Variants in NEK10 observed in about 807,000 individuals in gnomAD.
NEK10 encodes serine/threonine-protein kinase Nek10.
A neutral mutation model predicts 159.8 loss-of-function variants in NEK10; 122 were observed. That is an observed-to-expected ratio of 0.76 (90% CI 0.66 to 0.89). NEK10 has a LOEUF of 0.89. NEK10 is among the 40% of genes least tolerant of loss of function. NEK10 has a pLI of 0.00. For synonymous variants in NEK10, 466 were observed against 457.1 expected (o/e 1.02, Z -0.25); for missense variants, 1,342 against 1,323.1 (o/e 1.01, Z -0.22).
intron 22 of NEK10, among the ~76,000 whole-genome samples, chr3:27,266,862 G>C (rs2040937551): frequency 6.6e-6 from 1 of 152,176 alleles, no homozygotes; most frequent in Admixed American, 6.5e-5. Context: ...CAGTGTGCAG[G>C]ATGCTTAGTG....
chr3:27,247,388 AGTT>A, intron 23 of NEK10, among the ~76,000 whole-genome samples: 1 of 152,222 alleles, frequency 6.6e-6, no homozygotes, highest in East Asian at 1.9e-4. Context: ...ATGATCATAT[AGTT>A]GTTGTCCTCC....
rs907577458 is a variant in NEK10 at position 27,157,211 on chromosome 3, A to G, written c.2869+5490T>C. 7.9e-5 allele frequency among the ~76,000 whole-genome samples: 12 copies of G among 151,764 alleles called. No individual in the cohort carries two copies. The East Asian group carries it at 2.3e-3, about 30-fold the overall frequency. On this transcript the variant is annotated intron_variant, in intron 30 of 35. Transcript: ENST00000691995. ...GTGGGAAAGGGGTGAGGAATAGAAG[A>G]CTACAAATATGGTGCAGTGTATACT... is the stretch of plus-strand genomic sequence containing the variant.
intron 23 of NEK10, among the ~76,000 whole-genome samples, chr3:27,245,244 G>C (rs950972144): frequency 6.6e-6 from 1 of 152,192 alleles, no homozygotes; most frequent in Middle Eastern, 3.4e-3. Context: ...CCATTTGGGG[G>C]ATTCTTCTTC....
chr3:27,283,279 T>A (rs1373154692), intron 22 of NEK10, among the ~76,000 whole-genome samples: 1 of 152,204 alleles, frequency 6.6e-6, no homozygotes, highest in South Asian at 2.1e-4. Flanking sequence ...ATCAATAACA[T>A]TGATGGCAGT....
chr3:27,301,723 G>C lies in NEK10; in HGVS notation c.1141C>G (p.Gln381Glu), dbSNP rs1416915672. Reference protein sequence around the residue: ...LSEDLSPREIQENTFSLQAAC... With the variant: ...LSEDLSPREIEENTFSLQAAC... Reference sequence around the variant, plus strand: ...GCTTGAAGTGAGAAAGTATTTTCTTGTATTTCCCTAGGGCTCAAGTCTTCT... The same window carrying C: ...GCTTGAAGTGAGAAAGTATTTTCTTCTATTTCCCTAGGGCTCAAGTCTTCT... The change falls in exon 13 of 36, where the codon CAA becomes GAA. Residue 381 changes from glutamine (Q) to glutamate (E), a missense_variant. Gln to Glu is a conservative substitution (Grantham distance 29, BLOSUM62 2). Transcript: ENST00000691995. 2 of 1,575,154 alleles carry C rather than the reference G, an allele frequency of 1.3e-6. No homozygotes were observed. The highest frequency in any genetic ancestry group is 8.7e-7 in the Non-Finnish European group (1 of 1,156,024).
intron 4 of NEK10, among the ~76,000 whole-genome samples, chr3:27,344,921 TTG>T (rs764720872): frequency 2.6e-5 from 4 of 152,194 alleles, no homozygotes; most frequent in African/African-American, 7.2e-5. Flanking sequence ...TTATATGGTT[TTG>T]TGTGTGTGTT....
intron 22 of NEK10, among the ~76,000 whole-genome samples, chr3:27,272,008 C>T (rs13315353): frequency 0.047 from 7,087 of 152,186 alleles, 297 homozygotes; most frequent in African/African-American, 0.11. Flanking sequence ...TAGATTCTTG[C>T]TCTCTGGTTT....
Position 27,141,551 on chromosome 3 carries a change from T to C in NEK10, c.2901A>G (p.Lys967=). Residue 967 remains lysine, a synonymous_variant, in exon 31 of 36, where the codon AAA becomes AAG. Coordinates refer to ENST00000691995, the MANE Select transcript of NEK10 (RefSeq NM_001394966.1). The part of the protein sequence containing the change: ...ASAGIAVSQR[K]VRQISDPIQQ... ...GAATAGGATCACTGATCTGACGCAC[T>C]TTCCTCTGGGACACAGCAATTCCTG... The C allele has an allele frequency of 1.2e-6, 2 of 1,613,418 alleles. No homozygotes were observed. The highest frequency in any genetic ancestry group is 2.2e-5 in the South Asian group (2 of 90,956).
At chr3:27,279,367 C>T (rs1209824517) in intron 22 of NEK10, among the ~76,000 whole-genome samples, 1 of 152,150 alleles carries the variant, frequency 6.6e-6, no homozygotes, top group Non-Finnish European at 1.5e-5. Context: ...CAAGGCTGCC[C>T]CTCTGTGGTG....
chr3:27,254,137 G>C (rs779463436), intron 23 of NEK10, among the ~76,000 whole-genome samples: 3 of 152,096 alleles, frequency 2.0e-5, no homozygotes, highest in Non-Finnish European at 4.4e-5. Context: ...ACCGCATGTA[G>C]CCCAACATAA....
rs1256957379 is a variant in NEK10 at position 27,107,419 on chromosome 3, C to T, written c.*3853G>A. 6.6e-6 allele frequency among the ~76,000 whole-genome samples: 1 copy of T among 152,080 alleles called. No individual in the cohort carries two copies. The highest frequency in any genetic ancestry group is 1.5e-5 in the Non-Finnish European group (1 of 68,004). ...TGTTTCCCTGAGAAATTTGTGTCTT[C>T]CTATCAATATGAAAAACAGCGTTCA... is the stretch of plus-strand genomic sequence containing the variant. On this transcript the variant is annotated 3_prime_UTR_variant, in exon 36 of 36. Transcript: ENST00000691995.
intron 26 of NEK10, among the ~76,000 whole-genome samples, chr3:27,187,690 G>A (rs1013799464): frequency 3.3e-5 from 5 of 151,806 alleles, no homozygotes; most frequent in African/African-American, 1.2e-4. Context: ...CCCATAGTGA[G>A]GCAGAGCTTG....
At chr3:27,218,285 CTG>C (rs1951732982) in intron 23 of NEK10, among the ~76,000 whole-genome samples, 1 of 152,140 alleles carries the variant, frequency 6.6e-6, no homozygotes, top group African/African-American at 2.4e-5. Context: ...TTGACTGAAA[CTG>C]TGGAAAGTGA....
At chr3:27,258,713 T>C (rs1481371072) in intron 22 of NEK10, among the ~76,000 whole-genome samples, 1 of 152,230 alleles carries the variant, frequency 6.6e-6, no homozygotes, top group Admixed American at 6.5e-5. Context: ...GCATGATTTA[T>C]AATTCTTTGG....
intron 5 of NEK10, among the ~76,000 whole-genome samples, chr3:27,330,091 C>A (rs992471096): frequency 8.6e-5 from 13 of 151,942 alleles, no homozygotes; most frequent in African/African-American, 3.1e-4. Context: ...ATTTTTTAAT[C>A]TGCAGTTGGT....
intron 23 of NEK10, among the ~76,000 whole-genome samples, chr3:27,236,814 T>C (rs1953968222): frequency 6.6e-6 from 1 of 152,170 alleles, no homozygotes; most frequent in African/African-American, 2.4e-5. Flanking sequence ...TGTTCAGCTG[T>C]GCACATATTG....
chr3:27,212,343 G>T lies in NEK10; in HGVS notation c.2091-9786C>A, dbSNP rs1476182001. Among the ~76,000 whole-genome samples, 4 of 146,324 alleles carry T rather than the reference G, an allele frequency of 2.7e-5. No homozygotes were observed. The East Asian group carries it at 7.8e-4, about 28-fold the overall frequency. The stretch of plus-strand genomic sequence containing the variant: ...CTTAACCTGAATCATCACCATATTT[G>T]CTCAAAAAATGCTGCACAAACTAGA... On this transcript the variant is annotated intron_variant, in intron 23 of 35. Transcript: ENST00000691995.
chr3:27,305,864 G>C (rs1039627046), intron 11 of NEK10, among the ~76,000 whole-genome samples: 37 of 152,164 alleles, frequency 2.4e-4, no homozygotes, highest in African/African-American at 7.0e-4. Context: ...TAGTCCTCCA[G>C]TTTCATACTC....
At chr3:27,365,635 T>C (rs62257165) in intron 1 of NEK10, among the ~76,000 whole-genome samples, 6,216 of 102,024 alleles carry the variant, frequency 0.061, 224 homozygotes, top group Middle Eastern at 0.16. Flanking sequence ...TTTTTTGAGA[T>C]GGAGTCTTGC....
Sources: gnomAD v4.1 joint callset for allele counts (sites outside exome capture counted in the v4.1 genomes callset) on GRCh38, gnomAD v4.1.1 for gene constraint, MANE v1.5 for transcripts, NCBI Gene and HGNC (gene_info 2026-07-23, HGNC 2026-07-21) for gene names.